Variants in TYW1B observed in about 807,000 individuals in gnomAD.
TYW1B encodes tRNA-yW synthesizing protein 1 homolog B, also known as S-adenosyl-L-methionine-dependent tRNA 4-demethylwyosine synthase TYW1B.
Under a neutral mutation model 86.9 loss-of-function variants are expected in TYW1B, and 73 were observed. The observed-to-expected ratio is 0.84, with a 90% CI of 0.70 to 1.02. The LOEUF is 1.02. TYW1B is among the 50% of genes least tolerant of loss of function. The pLI is 0.00. For synonymous variants in TYW1B, 248 were observed against 292.8 expected, an observed-to-expected ratio of 0.85 and a Z score of 1.56; for missense variants, 637 against 827.4, an observed-to-expected ratio of 0.77 and a Z score of 2.82.
At chr7:72,816,065 G>A (rs1788716667) in intron 2 of TYW1B, among the ~76,000 whole-genome samples, 1 of 151,906 alleles carries the variant, frequency 6.6e-6, no homozygotes. Flanking sequence ...AATAAACACA[G>A]AGAAGTGCAA....
intron 11 of TYW1B, among the ~76,000 whole-genome samples, chr7:72,659,698 T>C (rs1813286410): frequency 2.0e-5 from 3 of 151,964 alleles, no homozygotes; most frequent in South Asian, 2.1e-4. Flanking sequence ...GAGGATACAA[T>C]GATATGCTCA....
At chr7:72,818,076 T>TAA (rs76441894) in intron 2 of TYW1B, among the ~76,000 whole-genome samples, 21 of 132,900 alleles carry the variant, frequency 1.6e-4, no homozygotes, top group Non-Finnish European at 2.1e-4. Context: ...AGCTGGCTGT[T>TAA]AAAAAAAAAA....
intron 11 of TYW1B, among the ~76,000 whole-genome samples, chr7:72,685,087 G>A (rs1230800248): frequency 3.3e-5 from 5 of 151,136 alleles, no homozygotes; most frequent in Admixed American, 1.3e-4. Flanking sequence ...ACTCCAGCCT[G>A]GATGACAGAG....
At chr7:72,803,153 C>T (rs1262877908) in intron 5 of TYW1B, among the ~76,000 whole-genome samples, 3 of 152,112 alleles carry the variant, frequency 2.0e-5, no homozygotes, top group African/African-American at 7.2e-5. Context: ...AGGAGTGTCA[C>T]TTGAAGCCAG....
chr7:72,744,298 TCA>T (rs1787356015), intron 8 of TYW1B, among the ~76,000 whole-genome samples, 184 bp downstream of exon 8: 2 of 152,128 alleles, frequency 1.3e-5, no homozygotes, highest in Non-Finnish European at 1.5e-5. Context: ...CAGCAATTCC[TCA>T]CAGTGTTTGT....
intron 11 of TYW1B, among the ~76,000 whole-genome samples, chr7:72,637,751 T>C (rs1221423033): frequency 3.9e-5 from 6 of 152,128 alleles, no homozygotes; most frequent in Admixed American, 3.3e-4. Flanking sequence ...ATTTAGCTTA[T>C]TGATTTTTAA....
In TYW1B at chr7:72,810,653, T is replaced by C. The variant is rs1554477970; in HGVS notation, c.250A>G (p.Asn84Asp). ...DHLIEEVTSK[N>D]VCVFLVATYT... ...GTCGCAACCAGGAAGACACAGACATTTTTACTAGTCACCTAACCAAGAAAG... is the reference window on the plus strand; with the variant it reads ...GTCGCAACCAGGAAGACACAGACATCTTTACTAGTCACCTAACCAAGAAAG... Residue 84 changes from asparagine to aspartate, a missense_variant, in exon 4 of 14, where the codon AAT (asparagine) becomes GAT (aspartate). Transcript: ENST00000620995. 6.2e-7 allele frequency: 1 copy of C among 1,608,572 alleles called. No homozygotes were observed. The highest frequency in any genetic ancestry group is 8.5e-7 in the Non-Finnish European group (1 of 1,176,622).
chr7:72,729,041 C>T (rs1190214245), intron 8 of TYW1B, 110 bp from the exon 9 acceptor site: 32 of 1,025,378 alleles, frequency 3.1e-5, no homozygotes, highest in Non-Finnish European at 4.3e-5. Flanking sequence ...GGACTGGTTT[C>T]CTCCTCAGAG....
rs529896623 is a variant in TYW1B at position 72,804,832 on chromosome 7, CA to C, written c.723+2233del. ...GCCTGGGGGACAGACTAGCCCGTCT[CA>C]AAAAAAACAGGCAATAAGCTGGATC... On this transcript the variant is annotated intron_variant, in intron 5 of 13. Transcript: ENST00000620995. Among the ~76,000 whole-genome samples the C allele has an allele frequency of 3.9e-3, 590 of 151,838 alleles. 2 individuals carry two copies. Among genetic ancestry groups the C allele is most frequent in the African/African-American group, 0.013 (554 of 41,422 alleles).
At chr7:72,608,801 G>A (rs1253527895) in intron 13 of TYW1B, among the ~76,000 whole-genome samples, 1 of 152,192 alleles carries the variant, frequency 6.6e-6, no homozygotes, top group Non-Finnish European at 1.5e-5. Context: ...TACAGAGATA[G>A]AGGAGATTAG....
chr7:72,606,187 A>G (rs1417225947), intron 13 of TYW1B, among the ~76,000 whole-genome samples: 1 of 150,192 alleles, frequency 6.7e-6, no homozygotes, highest in African/African-American at 2.4e-5. Context: ...GGCTGCAGAC[A>G]ACTATTGGAT....
rs1788472527 is a variant in TYW1B at position 72,805,219 on chromosome 7, G to A, written c.723+1847C>T. Among the ~76,000 whole-genome samples, 2 of 144,924 alleles carry A rather than the reference G, an allele frequency of 1.4e-5. 1 individual carries two copies. Among genetic ancestry groups the A allele is most frequent in the South Asian group, 4.5e-4 (2 of 4,418 alleles). Reference sequence around the variant, plus strand: ...GGAATACGAAAAGGAGCCATGCAGTGGGCTCCAAATCCACGGGTGGCTGCC... The same window carrying A: ...GGAATACGAAAAGGAGCCATGCAGTAGGCTCCAAATCCACGGGTGGCTGCC... On this transcript the variant is annotated intron_variant, in intron 5 of 13. Transcript: ENST00000620995.
At chr7:72,667,430 G>C (rs1813491579) in intron 11 of TYW1B, among the ~76,000 whole-genome samples, 1 of 152,102 alleles carries the variant, frequency 6.6e-6, no homozygotes. Flanking sequence ...AAAACAAAGA[G>C]GAGGCCAGGC....
Position 72,662,247 on chromosome 7 carries a change from CT to C in TYW1B, c.1506+32439del, listed in dbSNP as rs782498006. 2.0e-5 allele frequency among the ~76,000 whole-genome samples: 3 copies of C among 152,178 alleles called. No homozygotes were observed. The East Asian group carries it at 5.8e-4, about 29-fold the overall frequency. On this transcript the variant is annotated intron_variant, in intron 11 of 13. Coordinates refer to ENST00000620995, the MANE Select transcript of TYW1B (RefSeq NM_001145440.3). ...AAATGTGCTTTCTGGTGATATAAATCTTTAAATAGTTAGCTTTGAAAGTCAA... is the reference window on the plus strand; with the variant it reads ...AAATGTGCTTTCTGGTGATATAAATCTTAAATAGTTAGCTTTGAAAGTCAA...
intron 11 of TYW1B, among the ~76,000 whole-genome samples, chr7:72,669,134 CTTTTTTTTTTTTT>C (rs781821639): frequency 3.7e-5 from 3 of 81,522 alleles, no homozygotes; most frequent in African/African-American, 1.4e-4. Flanking sequence ...TAATTTTAAA[CTTTTTTTTTTTTT>C]TTTTTTTTTT....
chr7:72,656,375 A>G (rs1292981644), intron 11 of TYW1B, among the ~76,000 whole-genome samples: 1 of 152,214 alleles, frequency 6.6e-6, no homozygotes, highest in East Asian at 1.9e-4. Context: ...TAAGATATCA[A>G]TGATAAGGAC....
At chr7:72,760,363 G>A (rs1258702602) in intron 7 of TYW1B, among the ~76,000 whole-genome samples, 1 of 152,156 alleles carries the variant, frequency 6.6e-6, no homozygotes, top group Non-Finnish European at 1.5e-5. Context: ...ATTAGCTATT[G>A]AGGCAAATAA....
intron 13 of TYW1B, among the ~76,000 whole-genome samples, chr7:72,606,351 C>A (rs1343613542): frequency 2.6e-5 from 4 of 152,146 alleles, no homozygotes; most frequent in African/African-American, 9.7e-5. Flanking sequence ...GAGTGGGGAA[C>A]CTAGACTCCC....
chr7:72,802,378 A>C (rs1554475918), intron 6 of TYW1B, 22 bp downstream of exon 6: 5 of 1,613,582 alleles, frequency 3.1e-6, no homozygotes, highest in Non-Finnish European at 2.5e-6. Flanking sequence ...GCCAAGTGCA[A>C]CATTTCCCAA....
Sources: gnomAD v4.1 joint callset for allele counts (sites outside exome capture counted in the v4.1 genomes callset) on GRCh38, gnomAD v4.1.1 for gene constraint, MANE v1.5 for transcripts, NCBI Gene and HGNC (gene_info 2026-07-23, HGNC 2026-07-21) for gene names.